MVB12B: variants seen among roughly 807,000 people sequenced by gnomAD.
MVB12B encodes multivesicular body subunit 12B.
MVB12B carries 16 observed loss-of-function variants against 41.6 expected under a neutral mutation model. That is an observed-to-expected ratio of 0.38 (90% CI 0.26 to 0.58). The LOEUF (loss-of-function observed/expected upper bound fraction) is 0.58, where lower values mean the gene tolerates loss of function less well. Ranked by LOEUF, MVB12B falls within the 20% of genes least tolerant of loss-of-function variation. MVB12B has a pLI of 0.62. For missense variants in MVB12B, 274 were observed against 380.2 expected (o/e 0.72, Z 2.32); for synonymous variants, 133 against 139.7 (o/e 0.95, Z 0.34).
In MVB12B at chr9:126,386,568, C is replaced by T. The variant is rs1564302661; in HGVS notation, c.319C>T (p.Leu107=). The T allele has an allele frequency of 6.2e-7, 1 of 1,612,914 alleles. No individual in the cohort carries two copies. The highest frequency in any genetic ancestry group is 8.5e-7 in the Non-Finnish European group (1 of 1,179,046). Residue 107 remains leucine (L), a synonymous_variant, in exon 4 of 10, where the codon CTG becomes TTG. Transcript: ENST00000361171. This position sits in a 1 kb window ranked among gnomAD's most constrained non-coding sequence, Gnocchi z 4.3. ...TRSFSKENSH[L]GNVLVDMKLI... is the part of the protein sequence containing the mutation. ...TCTTTTCTTTCTTCCCAAGAGTCAT[C>T]TGGGGAACGTGTTAGTAGATATGAA...
chr9:126,450,038 C>T (rs1023847224), intron 7 of MVB12B, among the ~76,000 whole-genome samples: 1 of 152,230 alleles, frequency 6.6e-6, no homozygotes, highest in African/African-American at 2.4e-5. Context: ...CTAGGCTGAG[C>T]ACTCCATGAG....
intron 1 of MVB12B, among the ~76,000 whole-genome samples, chr9:126,330,854 T>G (rs1829110576): frequency 6.6e-6 from 1 of 152,156 alleles, no homozygotes; most frequent in African/African-American, 2.4e-5. Context: ...TCCTAGTGGA[T>G]CATACAGTAT....
rs1830759438 is a variant in MVB12B, at chr9:126,385,540, A to T, written c.313-1022A>T. 1.3e-5 allele frequency among the ~76,000 whole-genome samples: 2 copies of T among 152,218 alleles called. 1 individual carries two copies. Among genetic ancestry groups the T allele is most frequent in the South Asian group, 4.1e-4 (2 of 4,832 alleles). On this transcript the variant is annotated intron_variant, in intron 3 of 9. Coordinates refer to ENST00000361171, the MANE Select transcript of MVB12B (RefSeq NM_033446.3). ...CCTGAGAAGTTGCTGTCCAGGGCAG[A>T]GTGATGGCTGACCAACTAGATGCTT...
rs370501362 is a variant in MVB12B, at chr9:126,381,180, A to T, written c.312+9A>T. 1.3e-5 allele frequency: 20 copies of T among 1,588,840 alleles called. No homozygotes were observed. The highest frequency in any genetic ancestry group is 3.3e-4 in the Middle Eastern group (2 of 6,044). Reference sequence around the variant, plus strand: ...CATTTTCCAAAGAAAATGTAAGTCTAGTCGTAGTTTCCATTTGCTGAGTGA... The same window carrying T: ...CATTTTCCAAAGAAAATGTAAGTCTTGTCGTAGTTTCCATTTGCTGAGTGA... On this transcript the variant is annotated intron_variant, in intron 3 of 9. Coordinates refer to ENST00000361171, the MANE Select transcript of MVB12B (RefSeq NM_033446.3).
intron 7 of MVB12B, among the ~76,000 whole-genome samples, chr9:126,476,720 C>CA (rs546924565): frequency 6.6e-6 from 1 of 151,124 alleles, no homozygotes; most frequent in East Asian, 1.9e-4. Flanking sequence ...ACTAAAAATA[C>CA]AAAAAAATTA....
rs1297568643 is a variant in MVB12B at position 126,421,855 on chromosome 9, C to T, written c.664C>T (p.His222Tyr). 5 of 1,612,638 alleles carry T rather than the reference C, an allele frequency of 3.1e-6. No individual in the cohort carries two copies. The highest frequency in any genetic ancestry group is 4.2e-6 in the Non-Finnish European group (5 of 1,178,628). ...TTCTCTCGTCCTTCTCTTCCTCAGG[C>T]ACATCTCCCTAACACTTCCTGCCAC... ...ASTPAPNLPRHISLTLPATFR... is the reference protein window; with the variant it reads ...ASTPAPNLPRYISLTLPATFR... Residue 222 changes from histidine (H) to tyrosine (Y), a missense_variant and splice_region_variant, in exon 7 of 10, where the codon CAC becomes TAC. Physicochemically the swap from His to Tyr is moderately conservative, Grantham distance 83. Coordinates refer to ENST00000361171, the MANE Select transcript of MVB12B (RefSeq NM_033446.3).
chr9:126,505,676 G>GTGTATA lies in MVB12B; in HGVS notation c.*2417_*2422dup, dbSNP rs765572715. On this transcript the variant is annotated 3_prime_UTR_variant, in exon 10 of 10. Transcript: ENST00000361171. ...TGCCTGTGTGTGTGTGTGTGTGTGT[G>GTGTATA]TGTATATGTGTGTGTGTGCACGCAC... 1 of 95,270 alleles carries GTGTATA rather than the reference G, an allele frequency of 1.0e-5. No individual in the cohort carries two copies. Among genetic ancestry groups the GTGTATA allele is most frequent in the Admixed American group, 9.6e-5 (1 of 10,388 alleles). 5.9% of individuals were successfully genotyped at this position (95,270 alleles called of 1,614,324 possible).
In MVB12B at chr9:126,347,524, G is replaced by A. The variant is rs185894178; in HGVS notation, c.204+6894G>A. ...TTCAAATGCTTGAATGCAAATATGC[G>A]GGACTATGGGGGTCCTAGGAGAGGT... On this transcript the variant is annotated intron_variant, in intron 2 of 9. Coordinates refer to ENST00000361171, the MANE Select transcript of MVB12B (RefSeq NM_033446.3). 9.2e-5 allele frequency among the ~76,000 whole-genome samples: 14 copies of A among 152,292 alleles called. No homozygotes were observed. The East Asian group carries it at 1.4e-3, about 15-fold the overall frequency.
At chr9:126,377,971 T>A (rs1300542504) in intron 2 of MVB12B, among the ~76,000 whole-genome samples, 2 of 152,268 alleles carry the variant, frequency 1.3e-5, no homozygotes, top group African/African-American at 4.8e-5. Flanking sequence ...CGTGGGCTCC[T>A]GTGCCCCGGC....
At chr9:126,352,712 A>T (rs1279648871) in intron 2 of MVB12B, among the ~76,000 whole-genome samples, 1 of 151,984 alleles carries the variant, frequency 6.6e-6, no homozygotes, top group Non-Finnish European at 1.5e-5. Context: ...TTTTAGTTGT[A>T]CTTACTGGGA....
chr9:126,407,277 C>T (rs1021195784), intron 6 of MVB12B, among the ~76,000 whole-genome samples: 1 of 151,956 alleles, frequency 6.6e-6, no homozygotes, highest in African/African-American at 2.4e-5. Flanking sequence ...CCAACAGTAA[C>T]TGCTGGGAGA....
At chr9:126,416,321 C>A (rs1831823542) in intron 6 of MVB12B, among the ~76,000 whole-genome samples, 1 of 152,204 alleles carries the variant, frequency 6.6e-6, no homozygotes, top group Non-Finnish European at 1.5e-5. Context: ...AGGCAACACA[C>A]CCCTGCCAAA....
At chr9:126,432,190 C>T (rs1832347379) in intron 7 of MVB12B, among the ~76,000 whole-genome samples, 1 of 152,206 alleles carries the variant, frequency 6.6e-6, no homozygotes, top group Non-Finnish European at 1.5e-5. Flanking sequence ...TCTAGTTTTT[C>T]AGCAGAAATA....
At chr9:126,416,508 C>T (rs185210792) in intron 6 of MVB12B, among the ~76,000 whole-genome samples, 1 of 152,336 alleles carries the variant, frequency 6.6e-6, no homozygotes, top group Admixed American at 6.5e-5. Flanking sequence ...TAGTGAGCGG[C>T]AGAGATGTCA....
chr9:126,427,934 T>C (rs1832225896), intron 7 of MVB12B, among the ~76,000 whole-genome samples: 1 of 150,196 alleles, frequency 6.7e-6, no homozygotes, highest in African/African-American at 2.4e-5. Context: ...TATTGGCCAC[T>C]CCTCTGCCTT....
intron 2 of MVB12B, among the ~76,000 whole-genome samples, chr9:126,359,033 T>A (rs371219037): frequency 2.0e-5 from 3 of 152,246 alleles, no homozygotes; most frequent in African/African-American, 7.2e-5. Flanking sequence ...ATTGAAATTA[T>A]CATATGGATT....
chr9:126,340,468 T>C lies in MVB12B; in HGVS notation c.82-40T>C, dbSNP rs1195745480. On this transcript the variant is annotated intron_variant, in intron 1 of 9. Coordinates refer to ENST00000361171, the MANE Select transcript of MVB12B (RefSeq NM_033446.3). The surrounding 1 kb of genome is among the most constrained non-coding windows in gnomAD (Gnocchi z 4.0). ...CTTTATATTATTCACATAAATGCTA[T>C]GTTTGAATTTTGTGTTTTCTTTTTC... The C allele has an allele frequency of 5.0e-6, 8 of 1,609,072 alleles. No individual in the cohort carries two copies. Among genetic ancestry groups the C allele is most frequent in the Non-Finnish European group, 6.8e-6 (8 of 1,177,014 alleles).
Position 126,376,364 on chromosome 9 carries a change from T to C in MVB12B, c.205-4700T>C. 6.0e-6 allele frequency: 3 copies of C among 498,806 alleles called. No homozygotes were observed. The highest frequency in any genetic ancestry group is 1.1e-5 in the Non-Finnish European group (3 of 281,530). The allele number at this position is 498,806 out of a possible 1,614,324, so 30.9% of individuals were successfully genotyped here. ...TTCTCTTTGCTACCTTCAAGCTCCC[T>C]TTTTTCTATTTTGGGCCCTTCTGTC... On this transcript the variant is annotated intron_variant, in intron 2 of 9. Coordinates refer to ENST00000361171, the MANE Select transcript of MVB12B (RefSeq NM_033446.3). The surrounding 1 kb of genome is among the most constrained non-coding windows in gnomAD (Gnocchi z 4.1).
intron 2 of MVB12B, among the ~76,000 whole-genome samples, chr9:126,365,904 C>T (rs1830167649): frequency 6.6e-6 from 1 of 152,154 alleles, no homozygotes; most frequent in African/African-American, 2.4e-5. Flanking sequence ...AATTTACAGA[C>T]CCAGACTGAA....
Sources: gnomAD v4.1 joint callset for allele counts (sites outside exome capture counted in the v4.1 genomes callset) on GRCh38, gnomAD v4.1.1 for gene constraint, Gnocchi (gnomAD v3.1) non-coding constraint, MANE v1.5 for transcripts, NCBI Gene and HGNC (gene_info 2026-07-23, HGNC 2026-07-21) for gene names.